Variants in GSE1 observed in about 807,000 individuals in gnomAD.
The protein encoded by GSE1 is Gse1 coiled-coil protein.
Under a neutral mutation model 112.6 loss-of-function variants are expected in GSE1, and 32 were observed. The observed-to-expected ratio is 0.28, with a 90% confidence interval of 0.21 to 0.38. The LOEUF is 0.38. Among genes scored for constraint, GSE1 ranks in the 10% least tolerant of loss-of-function variants. The pLI, the probability that GSE1 is intolerant of heterozygous loss-of-function variation, is 1.00. For missense variants in GSE1, 2,348 were observed against 1,699.2 expected (o/e 1.38, Z -6.71); for synonymous variants, 1,115 against 735.6 (o/e 1.52, Z -8.35).
intron 2 of GSE1, among the ~76,000 whole-genome samples, chr16:85,483,679 T>A (rs2050751342): frequency 6.6e-6 from 1 of 152,236 alleles, no homozygotes; most frequent in Non-Finnish European, 1.5e-5. Flanking sequence ...CCTGAGAACA[T>A]GCTGGCAAAA....
chr16:85,340,221 G>C (rs905763250), intron 1 of GSE1, among the ~76,000 whole-genome samples: 2 of 152,162 alleles, frequency 1.3e-5, no homozygotes, highest in African/African-American at 4.8e-5. Flanking sequence ...GTGGTGGCGT[G>C]TGTCTGTGGT....
chr16:85,478,700 C>G (rs2050539573), intron 2 of GSE1, among the ~76,000 whole-genome samples: 1 of 151,504 alleles, frequency 6.6e-6, no homozygotes, highest in Non-Finnish European at 1.5e-5. Flanking sequence ...TGGAGTCTGG[C>G]TCTGTCGCCC....
chr16:85,224,023 C>T (rs768092383), intron 1 of GSE1, among the ~76,000 whole-genome samples: 1 of 152,072 alleles, frequency 6.6e-6, no homozygotes. Flanking sequence ...AAGGAAGCCC[C>T]AGCCCCATTA....
chr16:85,399,074 C>T (rs542459100), intron 2 of GSE1, among the ~76,000 whole-genome samples: 20 of 152,204 alleles, frequency 1.3e-4, no homozygotes, highest in Non-Finnish European at 2.2e-4. Context: ...ATTACATGCA[C>T]ATGTGTATGT....
In GSE1 at chr16:85,519,558, C is replaced by CCAG. The variant is rs1567555796; in HGVS notation, c.2465-114356_2465-114355insCAG. 3.4e-3 allele frequency among the ~76,000 whole-genome samples: 74 copies of CCAG among 21,918 alleles called. 5 individuals are homozygous for CCAG. The highest frequency in any genetic ancestry group is 6.1e-3 in the Non-Finnish European group (42 of 6,892). The allele number at this position is 21,918 out of a possible 152,430, so 14.4% of individuals were successfully genotyped here. On this transcript the variant is annotated intron_variant, in intron 2 of 2. Coordinates refer to the GSE1 transcript ENST00000637419. ...ACCATCATCACTATTACCACCATCA[C>CCAG]TATCATCATCACCATCACCAGTCTC...
chr16:85,511,627 G>T (rs1567549219), intron 2 of GSE1, among the ~76,000 whole-genome samples: 2 of 152,166 alleles, frequency 1.3e-5, no homozygotes, highest in African/African-American at 2.4e-5. Flanking sequence ...TTTTGCAGAG[G>T]GGATTATGTT....
intron 2 of GSE1, among the ~76,000 whole-genome samples, chr16:85,519,482 CCATCACTAT>C (rs1598043137): frequency 2.9e-4 from 1 of 3,506 alleles, no homozygotes; most frequent in East Asian, 0.011. Context: ...ACTTTTACCA[CCATCACTAT>C]CATCATCACC....
At chr16:85,495,759 A>T (rs944004935) in intron 2 of GSE1, among the ~76,000 whole-genome samples, 1 of 152,130 alleles carries the variant, frequency 6.6e-6, no homozygotes, top group Non-Finnish European at 1.5e-5. Flanking sequence ...TGGCCTCCCA[A>T]AGTGCTGGGA....
intron 1 of GSE1, among the ~76,000 whole-genome samples, chr16:85,288,757 TG>T (rs1387515235): frequency 2.6e-5 from 4 of 152,000 alleles, no homozygotes; most frequent in Admixed American, 6.5e-5. Context: ...CATTGGAATC[TG>T]GGGGTGGGGG....
intron 1 of GSE1, among the ~76,000 whole-genome samples, chr16:85,336,898 A>G (rs1185032248): frequency 1.3e-5 from 2 of 152,224 alleles, no homozygotes; most frequent in Admixed American, 6.5e-5. Context: ...ACAGGCACAC[A>G]CGTTCGTGTA....
chr16:85,589,738 T>C (rs1251081517), intron 1 of GSE1, among the ~76,000 whole-genome samples: 2 of 152,026 alleles, frequency 1.3e-5, no homozygotes, highest in African/African-American at 2.4e-5. Context: ...TGTGTGAATG[T>C]GGATGACTGA....
intron 1 of GSE1, among the ~76,000 whole-genome samples, chr16:85,227,659 G>T (rs749309941): frequency 6.6e-6 from 1 of 152,178 alleles, no homozygotes; most frequent in East Asian, 1.9e-4. Flanking sequence ...GAAACATTGA[G>T]GGTTGGGGAA....
intron 1 of GSE1, among the ~76,000 whole-genome samples, chr16:85,237,051 C>T (rs940839627): frequency 3.3e-5 from 5 of 152,200 alleles, no homozygotes; most frequent in South Asian, 2.1e-4. Flanking sequence ...ATGGGCTGGG[C>T]GCCGTGGCTC....
intron 2 of GSE1, among the ~76,000 whole-genome samples, chr16:85,473,907 G>C (rs75378510): frequency 6.6e-6 from 1 of 151,676 alleles, no homozygotes; most frequent in South Asian, 2.1e-4. Context: ...GACCAGCTCC[G>C]AAAAAAGAGC....
At chr16:85,663,658 G>A in intron 11 of GSE1, 44 bp downstream of exon 11, 1 of 1,574,666 alleles carries the variant, frequency 6.4e-7, no homozygotes, top group Non-Finnish European at 8.6e-7. Context: ...CACTGGGGTG[G>A]AAGTGGGTTT....
chr16:85,510,488 C>T (rs1051847391), intron 2 of GSE1, among the ~76,000 whole-genome samples: 3 of 152,112 alleles, frequency 2.0e-5, no homozygotes, highest in Non-Finnish European at 2.9e-5. Flanking sequence ...CGGGGGCACA[C>T]CTGGCAGCCT....
At chr16:85,584,675 C>G (rs1371140050) in intron 1 of GSE1, among the ~76,000 whole-genome samples, 1 of 152,228 alleles carries the variant, frequency 6.6e-6, no homozygotes, top group Non-Finnish European at 1.5e-5. Flanking sequence ...TTCCGTTCCC[C>G]CTCCGTTTTA....
At chr16:85,542,469 C>T (rs2044554181) in intron 2 of GSE1, among the ~76,000 whole-genome samples, 1 of 152,228 alleles carries the variant, frequency 6.6e-6, no homozygotes, top group Admixed American at 6.5e-5. Flanking sequence ...CACCCATAAG[C>T]CTCCGCTGTG....
intron 1 of GSE1, among the ~76,000 whole-genome samples, chr16:85,238,528 G>C (rs1444734570): frequency 6.6e-6 from 1 of 152,144 alleles, no homozygotes; most frequent in Admixed American, 6.5e-5. Flanking sequence ...GGGAAGGGGC[G>C]TTGGAAGCCT....
Sources: allele counts gnomAD v4.1 joint callset (sites outside exome capture counted in the v4.1 genomes callset), GRCh38; gene constraint gnomAD v4.1.1; transcripts MANE v1.5; gene names NCBI Gene and HGNC (gene_info 2026-07-23, HGNC 2026-07-21).